The following ZNF366 variants were observed in gnomAD, a reference collection of about 807,000 sequenced individuals.
ZNF366 encodes the protein zinc finger protein 366.
ZNF366 carries 20 observed loss-of-function variants against 47.2 expected under a neutral mutation model. The observed-to-expected ratio is 0.42, with a 90% confidence interval of 0.30 to 0.62. The LOEUF (loss-of-function observed/expected upper bound fraction) is 0.62, where lower values mean the gene tolerates loss of function less well. Ranked by LOEUF, ZNF366 falls within the 20% of genes least tolerant of loss-of-function variation. The pLI, the probability that ZNF366 is intolerant of heterozygous loss-of-function variation, is 0.16. For missense variants in ZNF366, 987 were observed against 976.3 expected (o/e 1.01, Z -0.15); for synonymous variants, 421 against 395.1 (o/e 1.07, Z -0.78).
intron 1 of ZNF366, among the ~76,000 whole-genome samples, chr5:72,461,713 C>T (rs192812377): frequency 2.0e-5 from 3 of 152,310 alleles, no homozygotes; most frequent in Admixed American, 1.3e-4. Context: ...TAGCACTGGC[C>T]TCTTGGGGTG....
At chr5:72,497,576 C>T (rs1231000282) in intron 1 of ZNF366, among the ~76,000 whole-genome samples, 1 of 152,100 alleles carries the variant, frequency 6.6e-6, no homozygotes, top group Non-Finnish European at 1.5e-5. Flanking sequence ...TAATTATTTT[C>T]TGTCCAAATA....
At position 72,443,836 on chromosome 5, in the gene ZNF366, A is replaced by G. The variant is rs770742489; in HGVS notation, c.2155T>C (p.Tyr719His). ...RRGPSFSDYL[Y>H]FKHRDESLKE... The stretch of plus-strand genomic sequence containing the variant: ...AAACTCTCATCTCTGTGCTTGAAGT[A>G]TAAGTAATCAGAAAAAGAGGGGCCC... Residue 719 changes from tyrosine to histidine, a missense_variant, in exon 5 of 5, where the codon TAC becomes CAC. Coordinates refer to ENST00000318442, the MANE Select transcript of ZNF366 (RefSeq NM_152625.3). 1.4e-5 allele frequency: 22 copies of G among 1,614,234 alleles called. No homozygotes were observed. The South Asian group carries it at 2.0e-4, about 14-fold the overall frequency.
chr5:72,501,285 A>G (rs778974305), intron 1 of ZNF366, among the ~76,000 whole-genome samples: 11 of 152,228 alleles, frequency 7.2e-5, no homozygotes, highest in Non-Finnish European at 1.5e-4. Context: ...AAAGGAATAT[A>G]GGAGAATTGC....
At chr5:72,497,787 A>G (rs978775192) in intron 1 of ZNF366, among the ~76,000 whole-genome samples, 5 of 152,180 alleles carry the variant, frequency 3.3e-5, no homozygotes. Context: ...CAAATGTTTC[A>G]TCTTTGCCGA....
At chr5:72,499,763 G>C (rs1008454573) in intron 1 of ZNF366, among the ~76,000 whole-genome samples, 5 of 152,100 alleles carry the variant, frequency 3.3e-5, no homozygotes, top group Non-Finnish European at 7.4e-5. Flanking sequence ...GGAGGTAGGC[G>C]TTCCATTAAA....
rs146883835 is a variant in ZNF366 at position 72,455,880 on chromosome 5, C to T, written c.1524+524G>A. Among the ~76,000 whole-genome samples the T allele has an allele frequency of 2.4e-3, 373 of 152,282 alleles. 1 individual carries two copies. The highest frequency in any genetic ancestry group is 3.5e-3 in the Admixed American group (53 of 15,298). On this transcript the variant is annotated intron_variant, in intron 3 of 4. Coordinates refer to ENST00000318442, the MANE Select transcript of ZNF366 (RefSeq NM_152625.3). ...GAGGGGCTAGCTTTGGAATCCCTCT[C>T]ACCGTCTCTAGGAGGCCTGCCCTCA...
chr5:72,488,704 C>T (rs889543835), intron 1 of ZNF366, among the ~76,000 whole-genome samples: 16 of 152,040 alleles, frequency 1.1e-4, no homozygotes, highest in Non-Finnish European at 1.5e-5. Flanking sequence ...ATGTGCATAC[C>T]CCCTTAAGCC....
At position 72,444,057 on chromosome 5, in the gene ZNF366, G is replaced by A. The variant is rs761616372; in HGVS notation, c.1934C>T (p.Pro645Leu). ...LAPQSQQLCT[P>L]EDLSTKSEHA... ...CTCCGACTTGGTGGACAGATCCTCG[G>A]GTGTGCAGAGCTGCTGGCTCTGGGG... The change falls in exon 5 of 5, where the codon CCC becomes CTC. Residue 645 changes from proline to leucine, a missense_variant. By Grantham distance (98) the Pro-to-Leu change is moderately conservative (BLOSUM62 -3). Transcript: ENST00000318442. The A allele has an allele frequency of 6.2e-7, 1 of 1,614,172 alleles. No individual in the cohort carries two copies. The highest frequency in any genetic ancestry group is 1.7e-5 in the Admixed American group (1 of 60,032).
At position 72,447,355 on chromosome 5, in the gene ZNF366, G is replaced by C. The variant is rs79076596; in HGVS notation, c.1587C>G (p.Asp529Glu). Residue 529 changes from aspartate to glutamate, a missense_variant, in exon 4 of 5, where the codon GAC becomes GAG. Transcript: ENST00000318442. ...NLMGHMHLHS[D>E]SKPFKCLYCP... ...AATAGAGGCACTTGAAGGGTTTGCT[G>C]TCTGAGTGCAGGTGCATGTGGCCCA... 3.7e-6 allele frequency: 6 copies of C among 1,614,196 alleles called. No homozygotes were observed. Among genetic ancestry groups the C allele is most frequent in the Middle Eastern group, 1.6e-4 (1 of 6,062 alleles).
intron 1 of ZNF366, among the ~76,000 whole-genome samples, chr5:72,490,812 G>T (rs1350084339): frequency 6.6e-6 from 1 of 152,174 alleles, no homozygotes; most frequent in African/African-American, 2.4e-5. Flanking sequence ...GCATTAGACT[G>T]CCCCCAGTTG....
chr5:72,504,925 A>G (rs1393106449), intron 1 of ZNF366, among the ~76,000 whole-genome samples: 1 of 152,236 alleles, frequency 6.6e-6, no homozygotes, highest in Non-Finnish European at 1.5e-5. Context: ...CCCGAGGCCC[A>G]TAAACAGTAG....
intron 1 of ZNF366, among the ~76,000 whole-genome samples, chr5:72,482,069 G>C (rs966701747): frequency 6.6e-6 from 1 of 152,148 alleles, no homozygotes; most frequent in Admixed American, 6.5e-5. Context: ...GTAAAGCTTT[G>C]TATCATTCTT....
intron 1 of ZNF366, among the ~76,000 whole-genome samples, chr5:72,469,922 G>T (rs188537138): frequency 6.0e-4 from 91 of 152,238 alleles, no homozygotes; most frequent in African/African-American, 2.1e-3. Context: ...GTATGGGCCT[G>T]CCTTCCCAGC....
rs766732437 is a variant in ZNF366 at position 72,461,386 on chromosome 5, C to T, written c.111G>A (p.Lys37=). Residue 37 remains lysine, a synonymous_variant, in exon 2 of 5, where the codon AAG becomes AAA. Coordinates refer to ENST00000318442, the MANE Select transcript of ZNF366 (RefSeq NM_152625.3). ...CCGGGAAGGGGTGTCTTTGGGGAGC[C>T]TTTCCCCGAGAAGCCACTGGCTGCA... ...HCLQPVASRG[K]APQRHPFPEA... The T allele has an allele frequency of 3.9e-5, 63 of 1,613,696 alleles. No homozygotes were observed. Among genetic ancestry groups the T allele is most frequent in the Admixed American group, 1.7e-5 (1 of 59,990 alleles).
intron 1 of ZNF366, among the ~76,000 whole-genome samples, chr5:72,478,536 TG>T (rs1316489370): frequency 2.6e-5 from 4 of 152,220 alleles, no homozygotes; most frequent in African/African-American, 7.2e-5. Flanking sequence ...TAGTCCACAC[TG>T]CTCCTTTAGA....
At chr5:72,444,410 C>A (rs750269261) in intron 4 of ZNF366, 119 bp from the exon 5 acceptor site, 62 of 1,152,942 alleles carry the variant, frequency 5.4e-5, no homozygotes, top group South Asian at 9.7e-5. Flanking sequence ...AAAAATAGAT[C>A]ATTCCCAGTA....
chr5:72,489,331 G>T (rs1412153680), intron 1 of ZNF366, among the ~76,000 whole-genome samples: 2 of 152,126 alleles, frequency 1.3e-5, no homozygotes, highest in Non-Finnish European at 2.9e-5. Flanking sequence ...AGGGCCCAAA[G>T]GTAAGATGAC....
intron 3 of ZNF366, among the ~76,000 whole-genome samples, chr5:72,451,272 T>C (rs534537960): frequency 6.6e-6 from 1 of 152,380 alleles, no homozygotes; most frequent in African/African-American, 2.4e-5. Context: ...TCAGTGTGTC[T>C]TGACATGAAA....
At chr5:72,447,144 G>A in intron 4 of ZNF366, 99 bp downstream of exon 4, 1 of 1,376,628 alleles carries the variant, frequency 7.3e-7, no homozygotes, top group Non-Finnish European at 1.0e-6. Flanking sequence ...CTGTGGTCTT[G>A]ACAAGAATAA....
Sources: gnomAD v4.1 joint callset for allele counts (sites outside exome capture counted in the v4.1 genomes callset) on GRCh38, gnomAD v4.1.1 for gene constraint, MANE v1.5 for transcripts, NCBI Gene and HGNC (gene_info 2026-07-23, HGNC 2026-07-21) for gene names.